WDPCP: variants seen among roughly 807,000 people sequenced by gnomAD.
WDPCP encodes the protein WD repeat containing planar cell polarity effector, also known as WD repeat-containing and planar cell polarity effector protein fritz homolog.
In WDPCP, 71 loss-of-function variants were observed where a neutral mutation model predicts 93.1. That is an observed-to-expected ratio of 0.76 (90% confidence interval 0.63 to 0.93). The LOEUF is 0.93. Among genes scored for constraint, WDPCP ranks in the 40% least tolerant of loss-of-function variants. WDPCP has a pLI of 0.00. For missense variants in WDPCP, 844 were observed against 887.4 expected, an observed-to-expected ratio of 0.95 and a Z score of 0.62; for synonymous variants, 315 against 315.0, an observed-to-expected ratio of 1.00 and a Z score of 0.00.
intron 13 of WDPCP, among the ~76,000 whole-genome samples, chr2:63,298,060 A>T (rs1363245469): frequency 2.0e-5 from 3 of 152,150 alleles, no homozygotes; most frequent in African/African-American, 2.4e-5. Flanking sequence ...CCTGACTTTT[A>T]CACTCTCCCA....
Position 63,120,566 on chromosome 2 carries a change from A to T in WDPCP, c.*1440T>A, listed in dbSNP as rs1669493455. On this transcript the variant is annotated 3_prime_UTR_variant, in exon 18 of 18. Transcript: ENST00000272321. ...TTTTGCAACGGAGTCTTACTTTGTC[A>T]CCCAGGCTGGAGCGTAATGGTGCGA... Among the ~76,000 whole-genome samples the T allele has an allele frequency of 7.3e-6, 1 of 137,368 alleles. No homozygotes were observed. The highest frequency in any genetic ancestry group is 2.7e-5 in the African/African-American group (1 of 36,510). 90.1% of individuals were successfully genotyped at this position (137,368 alleles called of 152,430 possible). A position where few individuals can be genotyped will look rare whatever the true frequency, so the allele number is the denominator to read the frequency against.
At chr2:63,197,687 C>T (rs921015186) in intron 14 of WDPCP, among the ~76,000 whole-genome samples, 6 of 152,104 alleles carry the variant, frequency 3.9e-5, no homozygotes, top group Non-Finnish European at 7.4e-5. Flanking sequence ...TGAAACTAGC[C>T]ATTATTTAGC....
At chr2:63,282,708 T>C (rs1683664279) in intron 13 of WDPCP, among the ~76,000 whole-genome samples, 1 of 152,130 alleles carries the variant, frequency 6.6e-6, no homozygotes, top group South Asian at 2.1e-4. Flanking sequence ...TGAAAGGCAG[T>C]TCTCAATAAT....
chr2:63,380,636 T>C (rs958282542), intron 11 of WDPCP, among the ~76,000 whole-genome samples: 2 of 152,054 alleles, frequency 1.3e-5, no homozygotes, highest in African/African-American at 2.4e-5. Flanking sequence ...GGCAGGAGAA[T>C]CGCTTGAACC....
chr2:63,744,594 G>A (rs1161730456), intron 2 of WDPCP, among the ~76,000 whole-genome samples: 3 of 152,030 alleles, frequency 2.0e-5, no homozygotes, highest in Non-Finnish European at 4.4e-5. Context: ...TGTTTTAAAC[G>A]TAAACAAATA....
chr2:63,569,746 C>T (rs1707343777), intron 1 of WDPCP, among the ~76,000 whole-genome samples: 1 of 152,104 alleles, frequency 6.6e-6, no homozygotes, highest in Non-Finnish European at 1.5e-5. Flanking sequence ...AACTATTTCC[C>T]CCCAAATTCC....
chr2:63,836,932 G>T, the WDPCP span, among the ~76,000 whole-genome samples: 5 of 152,276 alleles, frequency 3.3e-5, no homozygotes, highest in Middle Eastern at 3.4e-3. Context: ...CCACTTAGAA[G>T]ATTGGTTTAT....
At chr2:63,836,030 T>C in the WDPCP span, among the ~76,000 whole-genome samples, 1 of 152,096 alleles carries the variant, frequency 6.6e-6, no homozygotes, top group Non-Finnish European at 1.5e-5. Context: ...AATTTTTGTA[T>C]TTTAGTAGAG....
the WDPCP span, among the ~76,000 whole-genome samples, chr2:63,837,517 C>T: frequency 7.9e-5 from 12 of 152,134 alleles, no homozygotes; most frequent in Non-Finnish European, 1.6e-4. Context: ...AGTACATGTT[C>T]GCTCAAACTA....
intron 17 of WDPCP, among the ~76,000 whole-genome samples, chr2:63,133,383 T>A (rs529039338): frequency 1.4e-4 from 22 of 152,328 alleles, no homozygotes; most frequent in African/African-American, 5.3e-4. Context: ...TCAGGCAGCC[T>A]TTAGACAAGT....
At chr2:63,678,527 G>C (rs939953508) in intron 2 of WDPCP, among the ~76,000 whole-genome samples, 10 of 152,164 alleles carry the variant, frequency 6.6e-5, no homozygotes, top group Non-Finnish European at 1.3e-4. Flanking sequence ...ACCTGCATGG[G>C]GGATAAGGTC....
At chr2:63,349,444 A>T (rs1248885282) in intron 12 of WDPCP, among the ~76,000 whole-genome samples, 2 of 152,136 alleles carry the variant, frequency 1.3e-5, no homozygotes, top group Non-Finnish European at 2.9e-5. Flanking sequence ...TATCAAATTA[A>T]CCACTACTCA....
intron 17 of WDPCP, among the ~76,000 whole-genome samples, chr2:63,143,488 T>C (rs1271873958): frequency 1.3e-5 from 2 of 152,172 alleles, no homozygotes; most frequent in African/African-American, 4.8e-5. Flanking sequence ...TACTTTGTTT[T>C]TTTTGTTGTT....
At chr2:63,170,263 T>C (rs932882475) in intron 15 of WDPCP, among the ~76,000 whole-genome samples, 1 of 151,336 alleles carries the variant, frequency 6.6e-6, no homozygotes. Flanking sequence ...CATTTTTTTC[T>C]TTTTCTTTCT....
Position 63,687,295 on chromosome 2 carries a change from A to G in WDPCP, n.309-36457T>C, listed in dbSNP as rs181286162. Reference sequence around the variant, plus strand: ...GCAAAGATTTCTTGAATAATATCCCACAAGCACAGGCAACCAAAGCAAAAA... The same window carrying G: ...GCAAAGATTTCTTGAATAATATCCCGCAAGCACAGGCAACCAAAGCAAAAA... On this transcript the variant is annotated intron_variant and non_coding_transcript_variant, in intron 2 of 4. Transcript: ENST00000467687. Among the ~76,000 whole-genome samples the G allele has an allele frequency of 6.2e-4, 95 of 152,318 alleles. 1 individual carries two copies. Among genetic ancestry groups the G allele is most frequent in the Non-Finnish European group, 1.0e-3 (71 of 68,024 alleles).
At chr2:63,455,689 T>C (rs1335229961) in intron 6 of WDPCP, among the ~76,000 whole-genome samples, 1 of 152,094 alleles carries the variant, frequency 6.6e-6, no homozygotes, top group Non-Finnish European at 1.5e-5. Context: ...AAAGCAAATA[T>C]TGCCAGATCT....
At chr2:63,375,849 A>G (rs969796161) in intron 12 of WDPCP, among the ~76,000 whole-genome samples, 3 of 151,930 alleles carry the variant, frequency 2.0e-5, no homozygotes, top group South Asian at 4.1e-4. Flanking sequence ...AAATTCAGGC[A>G]ATCTGAGTTC....
rs182277787 is a variant in WDPCP at position 63,246,735 on chromosome 2, A to C, written c.1915+12572T>G. Among the ~76,000 whole-genome samples the C allele has an allele frequency of 2.1e-3, 313 of 152,282 alleles. 3 individuals are homozygous for C. The highest frequency in any genetic ancestry group is 3.7e-3 in the Non-Finnish European group (249 of 68,026). On this transcript the variant is annotated intron_variant, in intron 14 of 17. Transcript: ENST00000272321. ...GTGACTTTGAAGGATTCTGTATGTCAAGTGAGAGAAAAATGTCTGACCTCC... is the reference window on the plus strand; with the variant it reads ...GTGACTTTGAAGGATTCTGTATGTCCAGTGAGAGAAAAATGTCTGACCTCC...
chr2:63,706,645 T>C (rs956281479), intron 2 of WDPCP, among the ~76,000 whole-genome samples: 1 of 140,422 alleles, frequency 7.1e-6, no homozygotes, highest in African/African-American at 2.6e-5. Flanking sequence ...AGTCTCGCTC[T>C]GTCGCCCAGG....
Sources: gnomAD v4.1 joint callset for allele counts (sites outside exome capture counted in the v4.1 genomes callset) on GRCh38, gnomAD v4.1.1 for gene constraint, MANE v1.5 for transcripts, NCBI Gene and HGNC (gene_info 2026-07-23, HGNC 2026-07-21) for gene names.